DSCAM: variants seen among roughly 807,000 people sequenced by gnomAD.
DSCAM encodes the protein DS cell adhesion molecule, also known as cell adhesion molecule DSCAM.
A neutral mutation model predicts 217.7 loss-of-function variants in DSCAM; 47 were observed. The ratio of observed to expected loss-of-function variants is 0.22; its 90% CI spans 0.17 to 0.28. The LOEUF (loss-of-function observed/expected upper bound fraction) is 0.28. DSCAM is among the 10% of genes least tolerant of loss of function. The pLI, the probability that DSCAM is intolerant of heterozygous loss-of-function variation, is 1.00. For synonymous variants in DSCAM, 1,056 were observed against 1,015.3 expected (o/e 1.04, Z -0.76); for missense variants, 2,080 against 2,618.3 (o/e 0.79, Z 4.49).
chr21:40,457,188 A>G (rs1324165432), intron 3 of DSCAM, among the ~76,000 whole-genome samples: 1 of 152,224 alleles, frequency 6.6e-6, no homozygotes, highest in Non-Finnish European at 1.5e-5. Flanking sequence ...ATCTCTGGCC[A>G]TAGTGGGAAG....
At chr21:40,632,597 T>C (rs2089706947) in intron 3 of DSCAM, among the ~76,000 whole-genome samples, 2 of 152,188 alleles carry the variant, frequency 1.3e-5, no homozygotes, top group African/African-American at 4.8e-5. Flanking sequence ...TATCCAACAC[T>C]GAGCCCAAAA....
chr21:40,690,566 T>C (rs1279495979), intron 3 of DSCAM, among the ~76,000 whole-genome samples: 1 of 152,234 alleles, frequency 6.6e-6, no homozygotes, highest in Non-Finnish European at 1.5e-5. Flanking sequence ...TATGAAAGGA[T>C]GAAGCTCCAG....
At chr21:40,579,873 A>C (rs1354791954) in intron 3 of DSCAM, among the ~76,000 whole-genome samples, 4 of 152,018 alleles carry the variant, frequency 2.6e-5, no homozygotes, top group Non-Finnish European at 5.9e-5. Context: ...AGGGTGTCAC[A>C]CTCACATGTG....
At chr21:40,028,470 A>G (rs1046231207) in intron 32 of DSCAM, among the ~76,000 whole-genome samples, 1 of 151,536 alleles carries the variant, frequency 6.6e-6, no homozygotes, top group Non-Finnish European at 1.5e-5. Flanking sequence ...TTGCAGTTTG[A>G]TCTCAGACTG....
intron 4 of DSCAM, among the ~76,000 whole-genome samples, chr21:40,364,765 T>C (rs1469086516): frequency 7.3e-6 from 1 of 137,396 alleles, no homozygotes; most frequent in Admixed American, 7.1e-5. Flanking sequence ...TATATACATA[T>C]ATATATATAT....
chr21:40,378,588 T>A, intron 3 of DSCAM, among the ~76,000 whole-genome samples: 1 of 21,370 alleles, frequency 4.7e-5, no homozygotes, highest in African/African-American at 2.1e-4. Flanking sequence ...TTTTTTTTTT[T>A]TTTTTTTTTT....
At chr21:40,521,735 G>T (rs1401581838) in intron 3 of DSCAM, among the ~76,000 whole-genome samples, 3 of 152,084 alleles carry the variant, frequency 2.0e-5, no homozygotes, top group African/African-American at 7.2e-5. Flanking sequence ...GGAGTGGAGG[G>T]TCAATGGGTA....
intron 3 of DSCAM, among the ~76,000 whole-genome samples, chr21:40,430,169 C>A (rs1381428335): frequency 1.3e-5 from 2 of 152,216 alleles, no homozygotes; most frequent in African/African-American, 4.8e-5. Context: ...TCACTCACAG[C>A]CTAGCTCAGT....
chr21:40,519,850 C>G (rs12483068), intron 3 of DSCAM, among the ~76,000 whole-genome samples: 29,444 of 151,436 alleles, frequency 0.19, 3,281 homozygotes, highest in South Asian at 0.29. Context: ...CTCTCTCTCT[C>G]TGTGTGTGTG....
chr21:40,348,292 G>A (rs112659387), intron 5 of DSCAM, among the ~76,000 whole-genome samples: 4 of 119,020 alleles, frequency 3.4e-5, no homozygotes, highest in Admixed American at 8.2e-5. Flanking sequence ...ATACCCCAGA[G>A]AGTTCCTATC....
chr21:40,625,592 C>T (rs1173494479), intron 3 of DSCAM, among the ~76,000 whole-genome samples: 1 of 152,126 alleles, frequency 6.6e-6, no homozygotes, highest in African/African-American at 2.4e-5. Flanking sequence ...ACCCCAATCA[C>T]CCACTCAAGG....
chr21:40,439,203 A>G (rs1427568169), intron 3 of DSCAM, among the ~76,000 whole-genome samples: 3 of 152,226 alleles, frequency 2.0e-5, no homozygotes, highest in African/African-American at 7.2e-5. Context: ...ACTAGACACA[A>G]AACAGCTATG....
At chr21:40,183,837 A>C (rs533279845) in intron 14 of DSCAM, among the ~76,000 whole-genome samples, 39 of 152,252 alleles carry the variant, frequency 2.6e-4, no homozygotes, top group Admixed American at 5.2e-4. Context: ...TTGAAAATTA[A>C]TGAAAAGGAA....
intron 3 of DSCAM, among the ~76,000 whole-genome samples, chr21:40,628,927 T>C (rs1450209482): frequency 1.3e-5 from 2 of 152,098 alleles, no homozygotes; most frequent in Non-Finnish European, 2.9e-5. Flanking sequence ...TGTAATTTTT[T>C]TGGAGAGATG....
chr21:40,293,117 C>T (rs369656067), intron 10 of DSCAM, among the ~76,000 whole-genome samples: 1 of 152,142 alleles, frequency 6.6e-6, no homozygotes, highest in East Asian at 1.9e-4. Context: ...TATCCAGTTG[C>T]CAGGTATCCA....
intron 3 of DSCAM, among the ~76,000 whole-genome samples, chr21:40,530,917 T>C (rs199739798): frequency 1.3e-5 from 1 of 78,866 alleles, no homozygotes; most frequent in African/African-American, 1.0e-4. Flanking sequence ...ATCCATCCAT[T>C]CAACCATCCA....
chr21:40,591,094 C>T (rs549193834), intron 3 of DSCAM, among the ~76,000 whole-genome samples: 3 of 136,030 alleles, frequency 2.2e-5, no homozygotes, highest in South Asian at 2.7e-4. Context: ...GGAGTTCTCA[C>T]GAGATCACAT....
intron 1 of DSCAM, among the ~76,000 whole-genome samples, chr21:40,829,995 C>T (rs760129): frequency 0.73 from 110,702 of 152,146 alleles, 40,465 homozygotes; most frequent in African/African-American, 0.78. Context: ...TATCTGGCTC[C>T]TCTTAACTCT....
chr21:40,433,346 TAAAAAAAAA>T (rs10678618), intron 3 of DSCAM, among the ~76,000 whole-genome samples: 37 of 93,720 alleles, frequency 3.9e-4, no homozygotes, highest in African/African-American at 1.5e-3. Context: ...AGACTCCGTC[TAAAAAAAAA>T]AAAAAAAAAA....
Sources: gnomAD v4.1 joint callset for allele counts (sites outside exome capture counted in the v4.1 genomes callset) on GRCh38, gnomAD v4.1.1 for gene constraint, MANE v1.5 for transcripts, NCBI Gene and HGNC (gene_info 2026-07-23, HGNC 2026-07-21) for gene names.